The following HEPACAM2 variants were observed in gnomAD, a reference collection of about 807,000 sequenced individuals.
HEPACAM2 encodes the protein HEPACAM family member 2, also known as mitotic kinetics regulator.
In HEPACAM2, 49 loss-of-function variants were observed where a neutral mutation model predicts 49.6. The ratio of observed to expected loss-of-function variants is 0.99; its 90% CI spans 0.78 to 1.25. The LOEUF (loss-of-function observed/expected upper bound fraction) is 1.25, where lower values mean the gene tolerates loss of function less well. Among genes scored for constraint, HEPACAM2 ranks in the 50% most tolerant of loss-of-function variants. The pLI is 0.00. For missense variants in HEPACAM2, 525 were observed against 557.2 expected (o/e 0.94, Z 0.58); for synonymous variants, 197 against 202.9 (o/e 0.97, Z 0.25).
chr7:93,198,595 G>C (rs1459520771), intron 4 of HEPACAM2, among the ~76,000 whole-genome samples: 4 of 152,110 alleles, frequency 2.6e-5, no homozygotes, highest in Admixed American at 6.6e-5. Flanking sequence ...ACAAATGAAA[G>C]TAACAGATGT....
chr7:93,217,187 A>G (rs1794325675), intron 2 of HEPACAM2, among the ~76,000 whole-genome samples: 1 of 152,138 alleles, frequency 6.6e-6, no homozygotes, highest in Non-Finnish European at 1.5e-5. Flanking sequence ...TATGCAGAAA[A>G]AGCTTATATT....
intron 7 of HEPACAM2, among the ~76,000 whole-genome samples, chr7:93,196,604 A>T (rs1264120580): frequency 6.6e-6 from 1 of 152,132 alleles, no homozygotes; most frequent in East Asian, 1.9e-4. Context: ...TTAAGGGGGA[A>T]GTTTTTATCC....
In HEPACAM2 at chr7:93,208,708, T is replaced by C; in HGVS notation, c.884A>G (p.His295Arg). ...AGATGCAACTTCTAAGCGAGGCCCA[T>C]GCTTAATGATATATGTAGTATTGTC... ...RTDNTTYIIK[H>R]GPRLEVASEK... is the part of the protein sequence containing the mutation. The change falls in exon 4 of 10, where the codon CAT becomes CGT. Residue 295 changes from histidine to arginine, a missense_variant. Coordinates refer to ENST00000394468, the MANE Select transcript of HEPACAM2 (RefSeq NM_001039372.4). 1 of 1,613,190 alleles carries C rather than the reference T, an allele frequency of 6.2e-7. No homozygotes were observed. Among genetic ancestry groups the C allele is most frequent in the Non-Finnish European group, 8.5e-7 (1 of 1,179,444 alleles).
At chr7:93,197,220 C>T in intron 7 of HEPACAM2, 21 bp downstream of exon 7, 1 of 1,598,922 alleles carries the variant, frequency 6.3e-7, no homozygotes, top group Non-Finnish European at 8.5e-7. Context: ...TGATAATAGC[C>T]CTTTTCAGCT....
chr7:93,218,731 A>C (rs998438603), intron 2 of HEPACAM2, among the ~76,000 whole-genome samples: 2 of 152,124 alleles, frequency 1.3e-5, no homozygotes, highest in Non-Finnish European at 2.9e-5. Flanking sequence ...ACTGAAACAA[A>C]AATCTTCATG....
At chr7:93,231,967 C>A in the HEPACAM2 span, among the ~76,000 whole-genome samples, 5 of 152,076 alleles carry the variant, frequency 3.3e-5, no homozygotes, top group African/African-American at 1.2e-4. Context: ...AGTTCCTTCT[C>A]CTTCGCGTCA....
At chr7:93,192,219 C>G (rs754714544) in intron 9 of HEPACAM2, 35 bp downstream of exon 9, 19 of 1,476,642 alleles carry the variant, frequency 1.3e-5, no homozygotes, top group Non-Finnish European at 1.8e-5. Flanking sequence ...TGCTTAGCCT[C>G]TCCATAGCAC....
rs1433532430 is a variant in HEPACAM2, at chr7:93,189,225, C to T, written c.*42G>A. On this transcript the variant is annotated 3_prime_UTR_variant, in exon 10 of 10. Coordinates refer to ENST00000394468, the MANE Select transcript of HEPACAM2 (RefSeq NM_001039372.4). ...TCCACTGTTTTTCCTTAAAATGTTT[C>T]TTCAGAATTTCACTCGAATGTACTG... is the stretch of plus-strand genomic sequence containing the variant. 5 of 1,560,112 alleles carry T rather than the reference C, an allele frequency of 3.2e-6. No individual in the cohort carries two copies. Among genetic ancestry groups the T allele is most frequent in the South Asian group, 1.1e-5 (1 of 88,384 alleles).
chr7:93,227,239 C>T (rs1363313539), upstream of HEPACAM2, among the ~76,000 whole-genome samples: 1 of 152,170 alleles, frequency 6.6e-6, no homozygotes, highest in Non-Finnish European at 1.5e-5. Context: ...AGGTTTTCAA[C>T]CTGGTCTCTC....
At chr7:93,205,956 A>G (rs1794016745) in intron 4 of HEPACAM2, among the ~76,000 whole-genome samples, 1 of 152,124 alleles carries the variant, frequency 6.6e-6, no homozygotes, top group African/African-American at 2.4e-5. Flanking sequence ...GTACAGGTCA[A>G]ACAGGTTTTT....
rs544837608 is a variant in HEPACAM2, at chr7:93,223,848, A to G, written c.79+2520T>C. On this transcript the variant is annotated intron_variant, in intron 1 of 9. Transcript: ENST00000394468. ...CTTCATTGGACATGAACCTATCAATATGATACAATCTTTGCTTGTAGTGAA... is the reference window on the plus strand; with the variant it reads ...CTTCATTGGACATGAACCTATCAATGTGATACAATCTTTGCTTGTAGTGAA... 6.6e-5 allele frequency among the ~76,000 whole-genome samples: 10 copies of G among 152,302 alleles called. No individual in the cohort carries two copies. The South Asian group carries it at 2.1e-3, about 32-fold the overall frequency.
intron 7 of HEPACAM2, among the ~76,000 whole-genome samples, chr7:93,196,789 CAA>C (rs779558902): frequency 6.6e-6 from 1 of 152,136 alleles, no homozygotes; most frequent in African/African-American, 2.4e-5. Context: ...ACAGTGGGGA[CAA>C]AGAAGCAATC....
At chr7:93,208,200 A>T (rs1794078286) in intron 4 of HEPACAM2, among the ~76,000 whole-genome samples, 1 of 152,038 alleles carries the variant, frequency 6.6e-6, no homozygotes, top group Non-Finnish European at 1.5e-5. Flanking sequence ...GGAAAACCAG[A>T]TTCCCAACTC....
At chr7:93,209,568 T>C (rs1330130241) in intron 3 of HEPACAM2, among the ~76,000 whole-genome samples, 1 of 151,876 alleles carries the variant, frequency 6.6e-6, no homozygotes, top group Non-Finnish European at 1.5e-5. Context: ...ACTATTTTTG[T>C]GTCTATTAAC....
intron 3 of HEPACAM2, among the ~76,000 whole-genome samples, chr7:93,210,555 AATC>A (rs1332752700): frequency 6.6e-6 from 1 of 151,914 alleles, no homozygotes; most frequent in Admixed American, 6.6e-5. Context: ...TTAATTCTGT[AATC>A]ATCCAATCAA....
chr7:93,222,304 C>T (rs373412085), intron 1 of HEPACAM2, among the ~76,000 whole-genome samples: 37 of 151,462 alleles, frequency 2.4e-4, no homozygotes, highest in African/African-American at 8.5e-4. Context: ...TCCTGGTAAG[C>T]GACAACAAAA....
intron 8 of HEPACAM2, among the ~76,000 whole-genome samples, 161 bp from the exon 9 acceptor site, chr7:93,192,524 C>T (rs973806437): frequency 1.3e-5 from 2 of 152,054 alleles, no homozygotes; most frequent in African/African-American, 2.4e-5. Context: ...CACTTTTCTG[C>T]ACTTACCCTA....
At chr7:93,192,419 C>A in intron 8 of HEPACAM2, 56 bp from the exon 9 acceptor site, 1 of 1,314,578 alleles carries the variant, frequency 7.6e-7, no homozygotes, top group South Asian at 1.2e-5. Flanking sequence ...AATAGTTTTT[C>A]CACTATGTTG....
chr7:93,195,719 G>T, intron 8 of HEPACAM2, 109 bp downstream of exon 8: 1 of 785,906 alleles, frequency 1.3e-6, no homozygotes, highest in Non-Finnish European at 2.2e-6. Context: ...TGCAGTAATG[G>T]GTAATGCAGC....
Sources: gnomAD v4.1 joint callset for allele counts (sites outside exome capture counted in the v4.1 genomes callset) on GRCh38, gnomAD v4.1.1 for gene constraint, MANE v1.5 for transcripts, NCBI Gene and HGNC (gene_info 2026-07-23, HGNC 2026-07-21) for gene names.